The following CCDC86 variants were observed in gnomAD, a reference collection of about 807,000 sequenced individuals.
CCDC86 encodes the protein coiled-coil domain containing 86.
In CCDC86, 28 loss-of-function variants were observed where a neutral mutation model predicts 36.7. That is an observed-to-expected ratio of 0.76 (90% CI 0.57 to 1.05). The LOEUF is 1.05. Among genes scored for constraint, CCDC86 ranks in the 50% least tolerant of loss-of-function variants. CCDC86 has a pLI of 0.00. For missense variants in CCDC86, 453 were observed against 470.2 expected (o/e 0.96, Z 0.34); for synonymous variants, 199 against 203.4 (o/e 0.98, Z 0.18).
Position 60,842,886 on chromosome 11 carries a change from A to T in CCDC86, c.758+4A>T, listed in dbSNP as rs773043105. 5.1e-5 allele frequency: 79 copies of T among 1,557,178 alleles called. No individual in the cohort carries two copies. Among genetic ancestry groups the T allele is most frequent in the Non-Finnish European group, 6.5e-5 (75 of 1,150,436 alleles). ...GGAAGGACCGCTCCAAGAAAAGGTG[A>T]AGTGGGGGACAGCATGGACAGGGGT... On this transcript the variant is annotated splice_donor_region_variant and intron_variant, in intron 1 of 3. Coordinates refer to ENST00000227520, the MANE Select transcript of CCDC86 (RefSeq NM_024098.4).
chr11:60,849,955 C>T lies in CCDC86; in HGVS notation c.904C>T (p.Arg302Trp), dbSNP rs145131633. The T allele has an allele frequency of 1.9e-6, 3 of 1,614,078 alleles. No homozygotes were observed. The highest frequency in any genetic ancestry group is 3.3e-5 in the Admixed American group (2 of 60,010). The change falls in exon 3 of 4, where the codon CGG (arginine) becomes TGG (tryptophan). Residue 302 changes from arginine to tryptophan, a missense_variant. Coordinates refer to ENST00000227520, the MANE Select transcript of CCDC86 (RefSeq NM_024098.4). The stretch of plus-strand genomic sequence containing the variant: ...CATGTTCCAGGAGAAGAAACAGCGC[C>T]GGGCTGAGAACCTGAAACGCCGCCT... ...ERRRQEKKQR[R>W]AENLKRRLEN...
At chr11:60,846,936 T>G (rs1345318481) in intron 1 of CCDC86, among the ~76,000 whole-genome samples, 1 of 152,076 alleles carries the variant, frequency 6.6e-6, no homozygotes, top group Non-Finnish European at 1.5e-5. Flanking sequence ...ATCATCCCAT[T>G]CATAAATCCT....
intron 1 of CCDC86, among the ~76,000 whole-genome samples, chr11:60,846,780 G>T (rs1855187981): frequency 6.6e-6 from 1 of 152,084 alleles, no homozygotes; most frequent in South Asian, 2.1e-4. Flanking sequence ...CTCCATGTTG[G>T]TCAAGCTGGT....
Position 60,842,613 on chromosome 11 carries a change from T to C in CCDC86, c.489T>C (p.Pro163=), listed in dbSNP as rs1855134967. 3 of 1,613,576 alleles carry C rather than the reference T, an allele frequency of 1.9e-6. No individual in the cohort carries two copies. The highest frequency in any genetic ancestry group is 2.5e-6 in the Non-Finnish European group (3 of 1,179,894). Residue 163 remains proline (P), a synonymous_variant, in exon 1 of 4, where the codon CCT becomes CCC. Coordinates refer to ENST00000227520, the MANE Select transcript of CCDC86 (RefSeq NM_024098.4). ...CGCCGGTCCCAGGATCACCAGAGCC[T>C]TACCCCGGTCAGCAAGCTCCCGGTC... is the stretch of plus-strand genomic sequence containing the variant. ...QLPPVPGSPE[P]YPGQQAPGPE... is the part of the protein sequence containing the mutation.
At chr11:60,846,874 G>A (rs478886) in intron 1 of CCDC86, among the ~76,000 whole-genome samples, 28,294 of 129,898 alleles carry the variant, frequency 0.22, 3,955 homozygotes, top group East Asian at 0.75. Flanking sequence ...GCGCCCGGCT[G>A]ATCTTTGGCA....
At chr11:60,842,948 T>C in intron 1 of CCDC86, 66 bp downstream of exon 1, 1 of 1,502,772 alleles carries the variant, frequency 6.7e-7, no homozygotes. Flanking sequence ...GCCTTTGCCC[T>C]GCTGCAGCCT....
chr11:60,844,478 T>G, intron 1 of CCDC86, among the ~76,000 whole-genome samples: 1 of 152,134 alleles, frequency 6.6e-6, no homozygotes, highest in African/African-American at 2.4e-5. Context: ...GCTCCCTCCT[T>G]CCTCAGCGCC....
Position 60,850,946 on chromosome 11 carries a change from A to G in CCDC86, c.*621A>G, listed in dbSNP as rs1855256861. 6.6e-6 allele frequency: 1 copy of G among 152,342 alleles called. No individual in the cohort carries two copies. Among genetic ancestry groups the G allele is most frequent in the Admixed American group, 6.5e-5 (1 of 15,290 alleles). The allele number at this position is 152,342 out of a possible 1,614,324, so 9.4% of individuals were successfully genotyped here. A position where few individuals can be genotyped will look rare whatever the true frequency, so the allele number is the denominator to read the frequency against. On this transcript the variant is annotated 3_prime_UTR_variant, in exon 4 of 4. Coordinates refer to ENST00000227520, the MANE Select transcript of CCDC86 (RefSeq NM_024098.4). ...AACTCATGCCTGTCCAGTCTACAGC[A>G]AAAATATTTATTGAGTGCCTGTTGC...
Position 60,842,630 on chromosome 11 carries a change from C to G in CCDC86, c.506C>G (p.Ala169Gly), listed in dbSNP as rs375259556. The G allele has an allele frequency of 4.3e-6, 7 of 1,613,686 alleles. No homozygotes were observed. The African/African-American group carries it at 9.3e-5, about 22-fold the overall frequency. ...GSPEPYPGQQ[A>G]PGPEPSQPLL... ...CCAGAGCCTTACCCCGGTCAGCAAG[C>G]TCCCGGTCCGGAGCCCTCTCAGCCA... is the stretch of plus-strand genomic sequence containing the variant. Residue 169 changes from alanine (A) to glycine (G), a missense_variant, in exon 1 of 4, where the codon GCT (alanine) becomes GGT (glycine). Ala to Gly is a moderately conservative substitution (Grantham distance 60). Transcript: ENST00000227520.
chr11:60,847,563 AG>A (rs1855201627), intron 1 of CCDC86: 1 of 160,522 alleles, frequency 6.2e-6, no homozygotes, highest in Non-Finnish European at 1.4e-5. Flanking sequence ...ACTTTACAGC[AG>A]GGGCCGCGTA....
At chr11:60,844,449 T>C (rs972750230) in intron 1 of CCDC86, among the ~76,000 whole-genome samples, 4 of 152,174 alleles carry the variant, frequency 2.6e-5, no homozygotes, top group African/African-American at 9.7e-5. Flanking sequence ...GTCCCCTCCA[T>C]GTTCCTCCCA....
rs146035316 is a variant in CCDC86 at position 60,847,787 on chromosome 11, C to G, written c.759-137C>G. On this transcript the variant is annotated intron_variant, in intron 1 of 3. Transcript: ENST00000227520. The stretch of plus-strand genomic sequence containing the variant: ...CCCAAGTTTCTGCAGCCCTGGAAGG[C>G]CGCCTGTCAGGCCAGCAAGGAGGTG... 3.0e-5 allele frequency: 37 copies of G among 1,226,292 alleles called. No individual in the cohort carries two copies. The African/African-American group carries it at 3.9e-4, about 13-fold the overall frequency. 76.0% of individuals were successfully genotyped at this position (1,226,292 alleles called of 1,614,324 possible). A position where few individuals can be genotyped will look rare whatever the true frequency, so the allele number is the denominator to read the frequency against.
intron 1 of CCDC86, among the ~76,000 whole-genome samples, chr11:60,844,692 T>G (rs1438819144): frequency 2.6e-5 from 4 of 152,248 alleles, no homozygotes; most frequent in African/African-American, 9.6e-5. Context: ...GCTTATTTAT[T>G]TGTGATTCTT....
intron 2 of CCDC86, among the ~76,000 whole-genome samples, chr11:60,848,782 C>T (rs982419698): frequency 6.6e-6 from 1 of 152,136 alleles, no homozygotes; most frequent in Admixed American, 6.5e-5. Context: ...ATCCATAGTC[C>T]GTGGTCCCAG....
At chr11:60,843,119 A>G (rs899843136) in intron 1 of CCDC86, among the ~76,000 whole-genome samples, 3 of 152,326 alleles carry the variant, frequency 2.0e-5, no homozygotes, top group South Asian at 4.1e-4. Flanking sequence ...CAGGGTCCCT[A>G]TGGGCCTCTC....
chr11:60,846,024 C>T (rs535870069), intron 1 of CCDC86, among the ~76,000 whole-genome samples: 60 of 152,298 alleles, frequency 3.9e-4, no homozygotes, highest in African/African-American at 1.3e-3. Flanking sequence ...ACATTTCTAG[C>T]GCTCAGCAGC....
At chr11:60,846,964 C>A (rs906914204) in intron 1 of CCDC86, among the ~76,000 whole-genome samples, 4 of 152,166 alleles carry the variant, frequency 2.6e-5, no homozygotes, top group Non-Finnish European at 5.9e-5. Context: ...TGCATTTTTA[C>A]AGAGATGAGC....
intron 1 of CCDC86, among the ~76,000 whole-genome samples, chr11:60,846,118 G>C (rs982372798): frequency 2.0e-5 from 3 of 152,174 alleles, no homozygotes; most frequent in Admixed American, 6.5e-5. Context: ...TGACAGCCCT[G>C]CTCTACACAG....
chr11:60,847,161 G>A (rs1190315103), intron 1 of CCDC86, among the ~76,000 whole-genome samples: 2 of 150,708 alleles, frequency 1.3e-5, no homozygotes, highest in Non-Finnish European at 2.9e-5. Context: ...TCGGCTCACT[G>A]CAACCTCCAC....
Sources: allele counts gnomAD v4.1 joint callset (sites outside exome capture counted in the v4.1 genomes callset), GRCh38; gene constraint gnomAD v4.1.1; transcripts MANE v1.5; gene names NCBI Gene and HGNC (gene_info 2026-07-23, HGNC 2026-07-21).